The following PTPRD variants were observed in gnomAD, a reference collection of about 807,000 sequenced individuals.
The protein encoded by PTPRD is receptor-type tyrosine-protein phosphatase delta.
A neutral mutation model predicts 214.5 loss-of-function variants in PTPRD; 34 were observed. The ratio of observed to expected loss-of-function variants is 0.16; its 90% CI spans 0.12 to 0.21. The LOEUF is 0.21. Among genes scored for constraint, PTPRD ranks in the 10% least tolerant of loss-of-function variants. The pLI is 1.00. For missense variants in PTPRD, 2,545 were observed against 2,398.7 expected (o/e 1.06, Z -1.27); for synonymous variants, 1,128 against 845.7 (o/e 1.33, Z -5.79).
chr9:9,811,228 G>T (rs1007469258), intron 5 of PTPRD, among the ~76,000 whole-genome samples: 2 of 152,078 alleles, frequency 1.3e-5, no homozygotes, highest in African/African-American at 2.4e-5. Context: ...AAAGCAGTTA[G>T]CAAGAGATTG....
chr9:8,582,380 A>G (rs1435222633), intron 14 of PTPRD, among the ~76,000 whole-genome samples: 1 of 152,248 alleles, frequency 6.6e-6, no homozygotes, highest in Admixed American at 6.5e-5. Flanking sequence ...AGCAATAATC[A>G]TAAAGGAAAT....
intron 3 of PTPRD, among the ~76,000 whole-genome samples, chr9:10,110,052 G>C (rs1042550538): frequency 1.3e-5 from 2 of 151,924 alleles, no homozygotes; most frequent in African/African-American, 4.8e-5. Flanking sequence ...GAAAAATGTA[G>C]ATGCTATAAT....
At chr9:9,377,180 G>C (rs2061013799) in intron 9 of PTPRD, among the ~76,000 whole-genome samples, 1 of 151,906 alleles carries the variant, frequency 6.6e-6, no homozygotes, top group African/African-American at 2.4e-5. Context: ...AACTAATCAT[G>C]TATGCAAATA....
At chr9:9,337,682 C>T (rs1276772607) in intron 9 of PTPRD, among the ~76,000 whole-genome samples, 1 of 152,154 alleles carries the variant, frequency 6.6e-6, no homozygotes, top group Non-Finnish European at 1.5e-5. Context: ...CAAGAAGATG[C>T]CACTCTCTGG....
At chr9:9,577,546 A>C (rs1171542651) in intron 7 of PTPRD, among the ~76,000 whole-genome samples, 2 of 151,956 alleles carry the variant, frequency 1.3e-5, no homozygotes, top group African/African-American at 4.8e-5. Flanking sequence ...CTGGGGGACA[A>C]AGTAAGACCT....
chr9:9,457,501 A>T (rs1239547423), intron 8 of PTPRD, among the ~76,000 whole-genome samples: 1 of 151,988 alleles, frequency 6.6e-6, no homozygotes, highest in African/African-American at 2.4e-5. Context: ...AACACTCTGA[A>T]TATCAGAACA....
chr9:8,733,763 A>G lies in PTPRD; in HGVS notation c.64+17T>C. On this transcript the variant is annotated intron_variant, in intron 12 of 45. Transcript: ENST00000381196. ...CATTATGGTCACAGCCCCCTAGAGA[A>G]GGGGAGAATGGCTTACTCTCAGCAT... 2 of 1,551,782 alleles carry G rather than the reference A, an allele frequency of 1.3e-6. No individual in the cohort carries two copies. Among genetic ancestry groups the G allele is most frequent in the Non-Finnish European group, 1.7e-6 (2 of 1,146,922 alleles).
chr9:10,127,961 C>G (rs538758745), intron 3 of PTPRD, among the ~76,000 whole-genome samples: 48 of 152,196 alleles, frequency 3.2e-4, no homozygotes, highest in Non-Finnish European at 6.2e-4. Flanking sequence ...AAAAACTCTG[C>G]TTTTTATCCA....
At chr9:8,388,579 T>C (rs1289391236) in intron 37 of PTPRD, among the ~76,000 whole-genome samples, 1 of 152,186 alleles carries the variant, frequency 6.6e-6, no homozygotes, top group Non-Finnish European at 1.5e-5. Flanking sequence ...TTAACTAATG[T>C]GCCATGCACC....
At chr9:8,413,991 T>C (rs1048943974) in intron 35 of PTPRD, among the ~76,000 whole-genome samples, 1 of 152,028 alleles carries the variant, frequency 6.6e-6, no homozygotes, top group Admixed American at 6.6e-5. Context: ...TGCTATGGGG[T>C]TGTGATTTAT....
rs577484782 is a variant in PTPRD, at chr9:9,423,627, G to T, written c.-236-26145C>A. 3.3e-5 allele frequency among the ~76,000 whole-genome samples: 5 copies of T among 152,274 alleles called. No homozygotes were observed. In the South Asian group the frequency reaches 1.0e-3, roughly 32 times the overall value. ...TTCCAGATACGCACTGAAAGTAAAT[G>T]TGTTAAAATAGTCAGGATGGCAACA... On this transcript the variant is annotated intron_variant, in intron 8 of 45. Coordinates refer to ENST00000381196, the MANE Select transcript of PTPRD (RefSeq NM_002839.4).
chr9:10,332,214 T>C (rs1380844880), intron 3 of PTPRD, among the ~76,000 whole-genome samples: 1 of 151,840 alleles, frequency 6.6e-6, no homozygotes, highest in Non-Finnish European at 1.5e-5. Context: ...AGAAAGAAAC[T>C]ATAATATTGC....
chr9:9,422,547 A>G (rs987983403), intron 8 of PTPRD, among the ~76,000 whole-genome samples: 6 of 152,134 alleles, frequency 3.9e-5, no homozygotes, highest in Admixed American at 2.6e-4. Context: ...CATTGGACGT[A>G]AGACATACAT....
intron 9 of PTPRD, among the ~76,000 whole-genome samples, chr9:9,273,723 A>G (rs1943863509): frequency 6.6e-6 from 1 of 151,288 alleles, no homozygotes; most frequent in Non-Finnish European, 1.5e-5. Flanking sequence ...GTGACTCCAC[A>G]TGGATTGACA....
At chr9:8,828,571 G>T (rs1026884280) in intron 11 of PTPRD, among the ~76,000 whole-genome samples, 3 of 152,164 alleles carry the variant, frequency 2.0e-5, no homozygotes, top group Admixed American at 6.5e-5. Context: ...AAGAGACTAA[G>T]ATGTTATGCT....
chr9:8,556,233 G>T (rs2083708209), intron 14 of PTPRD, among the ~76,000 whole-genome samples: 1 of 152,168 alleles, frequency 6.6e-6, no homozygotes, highest in African/African-American at 2.4e-5. Context: ...GGTCTCTTAG[G>T]CAGCATTTAA....
intron 10 of PTPRD, among the ~76,000 whole-genome samples, chr9:9,136,840 TA>T (rs1267121632): frequency 6.6e-6 from 1 of 152,136 alleles, no homozygotes; most frequent in African/African-American, 2.4e-5. Context: ...GGAAGTAAAA[TA>T]AACCCTATCA....
chr9:9,152,859 C>G (rs910487343), intron 10 of PTPRD, among the ~76,000 whole-genome samples: 1 of 152,150 alleles, frequency 6.6e-6, no homozygotes, highest in African/African-American at 2.4e-5. Context: ...TTAGAATCTT[C>G]GTGAACCAGA....
At chr9:8,514,824 C>T (rs2097756388) in intron 21 of PTPRD, among the ~76,000 whole-genome samples, 1 of 152,108 alleles carries the variant, frequency 6.6e-6, no homozygotes, top group Non-Finnish European at 1.5e-5. Flanking sequence ...CCCCATGTGT[C>T]AAAGAAGGGA....
Sources: gnomAD v4.1 joint callset for allele counts (sites outside exome capture counted in the v4.1 genomes callset) on GRCh38, gnomAD v4.1.1 for gene constraint, MANE v1.5 for transcripts, NCBI Gene and HGNC (gene_info 2026-07-23, HGNC 2026-07-21) for gene names.